The following GUCY1B1 variants were observed in gnomAD, a reference collection of about 807,000 sequenced individuals.
The protein encoded by GUCY1B1 is guanylate cyclase soluble subunit beta-1.
Under a neutral mutation model 71.0 loss-of-function variants are expected in GUCY1B1, and 43 were observed. That is an observed-to-expected ratio of 0.61 (90% CI 0.47 to 0.78). GUCY1B1 has a LOEUF of 0.78. GUCY1B1 is among the 30% of genes least tolerant of loss of function. The pLI is 0.00. For synonymous variants in GUCY1B1, 266 were observed against 259.7 expected (o/e 1.02, Z -0.23); for missense variants, 535 against 754.1 (o/e 0.71, Z 3.40).
At chr4:155,798,762 A>G (rs1030098625) in intron 8 of GUCY1B1, among the ~76,000 whole-genome samples, 24 of 152,182 alleles carry the variant, frequency 1.6e-4, no homozygotes, top group African/African-American at 4.8e-4. Context: ...GAGTGGCCAG[A>G]AGTAATGACT....
At chr4:155,777,337 T>A (rs1180100938) in intron 3 of GUCY1B1, among the ~76,000 whole-genome samples, 187 bp from the exon 4 acceptor site, 1 of 152,234 alleles carries the variant, frequency 6.6e-6, no homozygotes, top group Non-Finnish European at 1.5e-5. Flanking sequence ...CATTAACATG[T>A]TTATACGTTG....
intron 2 of GUCY1B1, among the ~76,000 whole-genome samples, chr4:155,767,587 TA>T (rs1374404966): frequency 6.6e-6 from 1 of 152,128 alleles, no homozygotes; most frequent in African/African-American, 2.4e-5. Flanking sequence ...TATTTATTGT[TA>T]CTGTTTACAG....
chr4:155,773,689 T>C (rs1249291535), intron 2 of GUCY1B1, among the ~76,000 whole-genome samples: 2 of 152,204 alleles, frequency 1.3e-5, no homozygotes, highest in African/African-American at 2.4e-5. Context: ...TTGAGTCCTC[T>C]CTTTTCACAC....
intron 4 of GUCY1B1, among the ~76,000 whole-genome samples, chr4:155,787,105 T>A (rs1738850755): frequency 6.6e-6 from 1 of 151,980 alleles, no homozygotes; most frequent in African/African-American, 2.4e-5. Flanking sequence ...GTATAAGGGG[T>A]CTGAGAGGGC....
chr4:155,761,059 G>A (rs576963118), intron 2 of GUCY1B1, among the ~76,000 whole-genome samples: 80 of 152,214 alleles, frequency 5.3e-4, no homozygotes, highest in Admixed American at 1.6e-3. Flanking sequence ...CTGTATCACT[G>A]AGCGTTTCTT....
At chr4:155,762,948 C>T (rs982606298) in intron 2 of GUCY1B1, among the ~76,000 whole-genome samples, 2 of 152,108 alleles carry the variant, frequency 1.3e-5, no homozygotes, top group South Asian at 4.1e-4. Flanking sequence ...CCTCTGAATC[C>T]ATTTCAAAGT....
At chr4:155,793,613 A>G (rs565517760) in intron 5 of GUCY1B1, among the ~76,000 whole-genome samples, 1 of 152,256 alleles carries the variant, frequency 6.6e-6, no homozygotes, top group South Asian at 2.1e-4. Context: ...AAGAGACCAT[A>G]TAGGATACTG....
chr4:155,797,392 TA>T (rs1413419234), intron 8 of GUCY1B1, among the ~76,000 whole-genome samples: 1 of 152,230 alleles, frequency 6.6e-6, no homozygotes, highest in African/African-American at 2.4e-5. Context: ...AACCTCCTGT[TA>T]TATTATTACT....
chr4:155,772,687 T>C (rs764036903), intron 2 of GUCY1B1: 1 of 702,334 alleles, frequency 1.4e-6, no homozygotes, highest in South Asian at 1.5e-5. Context: ...CCCAAAGTGC[T>C]GGGATAACAG....
chr4:155,761,128 A>C (rs186359354), intron 2 of GUCY1B1, among the ~76,000 whole-genome samples: 8 of 152,364 alleles, frequency 5.3e-5, no homozygotes, highest in Non-Finnish European at 1.2e-4. Context: ...TATTATAAAC[A>C]GAAGCCGAGA....
At chr4:155,805,266 C>T (rs760756886) in intron 13 of GUCY1B1, 37 bp downstream of exon 13, 1 of 1,559,144 alleles carries the variant, frequency 6.4e-7, no homozygotes, top group Non-Finnish European at 8.8e-7. Flanking sequence ...GTACTTAAGA[C>T]AGAGTATAAG....
At chr4:155,774,832 GT>G (rs1737933019) in intron 2 of GUCY1B1, 135 bp from the exon 3 acceptor site, 1 of 635,352 alleles carries the variant, frequency 1.6e-6, no homozygotes, top group Non-Finnish European at 2.8e-6. Flanking sequence ...ACATGATGAT[GT>G]TTAAACAAAT....
rs1036213863 is a variant in GUCY1B1 at position 155,759,051 on chromosome 4, G to C, written c.-90G>C. ...AGCTCGATGCTGCCTCCCCGGCCCG[G>C]TTGCGCTGTAGCCGCTGCCGCCTCT... On this transcript the variant is annotated 5_prime_UTR_variant, in exon 1 of 14. Coordinates refer to ENST00000264424, the MANE Select transcript of GUCY1B1 (RefSeq NM_000857.5). 20 of 1,378,316 alleles carry C rather than the reference G, an allele frequency of 1.5e-5. No homozygotes were observed. The African/African-American group carries it at 2.6e-4, about 18-fold the overall frequency. 85.4% of individuals were successfully genotyped at this position (1,378,316 alleles called of 1,614,324 possible). A position where few individuals can be genotyped will look rare whatever the true frequency, so the allele number is the denominator to read the frequency against.
chr4:155,799,369 G>A (rs1210125085), intron 8 of GUCY1B1, among the ~76,000 whole-genome samples: 4 of 152,170 alleles, frequency 2.6e-5, no homozygotes, highest in Non-Finnish European at 4.4e-5. Flanking sequence ...ATTACATGCT[G>A]AGGCTGGGTC....
At chr4:155,779,911 A>G (rs546267001) in intron 4 of GUCY1B1, among the ~76,000 whole-genome samples, 1 of 152,202 alleles carries the variant, frequency 6.6e-6, no homozygotes, top group Non-Finnish European at 1.5e-5. Flanking sequence ...AATCAGTCAC[A>G]GCATCTTTAG....
chr4:155,794,172 C>A (rs1424600181), intron 6 of GUCY1B1, 86 bp downstream of exon 6: 2 of 714,970 alleles, frequency 2.8e-6, no homozygotes, highest in Non-Finnish European at 4.9e-6. Context: ...TTCATTTAAC[C>A]CTCTGACTAT....
chr4:155,796,994 A>G (rs1045781137), intron 8 of GUCY1B1, among the ~76,000 whole-genome samples: 2 of 152,222 alleles, frequency 1.3e-5, no homozygotes, highest in Admixed American at 6.5e-5. Flanking sequence ...TAATCCAAAT[A>G]CACTGTTCCA....
chr4:155,793,170 A>C (rs1022785932), intron 5 of GUCY1B1, among the ~76,000 whole-genome samples: 67 of 152,034 alleles, frequency 4.4e-4, no homozygotes, highest in African/African-American at 1.5e-3. Context: ...CTGCCTCCCC[A>C]GGTTCAAGCA....
Position 155,794,002 on chromosome 4 carries a change from C to T in GUCY1B1, c.642C>T (p.Cys214=), listed in dbSNP as rs772650677. 1.9e-6 allele frequency: 3 copies of T among 1,612,854 alleles called. No individual in the cohort carries two copies. Among genetic ancestry groups the T allele is most frequent in the Non-Finnish European group, 2.5e-6 (3 of 1,179,012 alleles). ...QESRISPYTF[C]KAFPFHIIFD... ...CACGCATCAGCCCATATACATTCTG[C>T]AAAGCTTTTCCTTTTCATATAATAT... The change falls in exon 6 of 14, where the codon TGC becomes TGT. Residue 214 remains cysteine (C), a synonymous_variant. Transcript: ENST00000264424.
Sources: allele counts gnomAD v4.1 joint callset (sites outside exome capture counted in the v4.1 genomes callset), GRCh38; gene constraint gnomAD v4.1.1; transcripts MANE v1.5; gene names NCBI Gene and HGNC (gene_info 2026-07-23, HGNC 2026-07-21).